The following ARHGAP31 variants were observed in gnomAD, a reference collection of about 807,000 sequenced individuals.
The protein encoded by ARHGAP31 is rho GTPase-activating protein 31.
ARHGAP31 carries 34 observed loss-of-function variants against 113.9 expected under a neutral mutation model. The ratio of observed to expected loss-of-function variants is 0.30; its 90% confidence interval spans 0.23 to 0.40. The LOEUF is 0.40. Among genes scored for constraint, ARHGAP31 ranks in the 10% least tolerant of loss-of-function variants. The pLI is 1.00. For missense variants in ARHGAP31, 1,548 were observed against 1,767.1 expected, an observed-to-expected ratio of 0.88 and a Z score of 2.22; for synonymous variants, 650 against 684.8, an observed-to-expected ratio of 0.95 and a Z score of 0.79.
Position 119,313,923 on chromosome 3 carries a change from G to A in ARHGAP31, c.100+18919G>A, listed in dbSNP as rs187949140. ...CATAGATTCTTATAGTGGGCAAAAG[G>A]AGAATGTCTTAATAAGAGCTTGTCA... On this transcript the variant is annotated intron_variant, in intron 1 of 11. Transcript: ENST00000264245. Among the ~76,000 whole-genome samples the A allele has an allele frequency of 4.0e-4, 61 of 152,326 alleles. 1 individual carries two copies. The highest frequency in any genetic ancestry group is 1.4e-3 in the African/African-American group (60 of 41,572).
intron 9 of ARHGAP31, among the ~76,000 whole-genome samples, chr3:119,400,524 T>G (rs1031995674): frequency 2.6e-5 from 4 of 152,226 alleles, no homozygotes; most frequent in Middle Eastern, 3.2e-3. Flanking sequence ...ACTCGATACT[T>G]TCAGCATTTT....
At chr3:119,330,201 C>T (rs759602941) in intron 1 of ARHGAP31, among the ~76,000 whole-genome samples, 2 of 152,182 alleles carry the variant, frequency 1.3e-5, no homozygotes, top group Non-Finnish European at 2.9e-5. Context: ...TGTATTTTCC[C>T]ATGTGCCTCT....
chr3:119,371,843 A>C (rs1195955332), intron 3 of ARHGAP31, among the ~76,000 whole-genome samples: 1 of 152,144 alleles, frequency 6.6e-6, no homozygotes, highest in Non-Finnish European at 1.5e-5. Flanking sequence ...CCCACTTATG[A>C]GTGAGAACCT....
chr3:119,328,539 T>G (rs2079865067), intron 1 of ARHGAP31, among the ~76,000 whole-genome samples: 2 of 152,224 alleles, frequency 1.3e-5, no homozygotes, highest in Admixed American at 6.5e-5. Context: ...TCATTCTTCT[T>G]CTGGACAGTA....
At chr3:119,390,686 CATCATAGG>C (rs2080495840) in intron 6 of ARHGAP31, 91 bp from the exon 7 acceptor site, 1 of 1,334,682 alleles carries the variant, frequency 7.5e-7, no homozygotes, top group South Asian at 1.2e-5. Flanking sequence ...ACTCAGCCCC[CATCATAGG>C]ATCAAGAATG....
chr3:119,373,812 C>T (rs140633321), intron 3 of ARHGAP31, among the ~76,000 whole-genome samples: 141 of 152,214 alleles, frequency 9.3e-4, no homozygotes, highest in Non-Finnish European at 1.5e-3. Flanking sequence ...ATTGGTTGGA[C>T]GTCCCCGAAA....
At chr3:119,368,580 C>T (rs2080269965) in intron 3 of ARHGAP31, 64 bp downstream of exon 3, 4 of 1,583,096 alleles carry the variant, frequency 2.5e-6, no homozygotes, top group Non-Finnish European at 3.5e-6. Context: ...AGAAGAGTTT[C>T]AGCACTAAAA....
intron 1 of ARHGAP31, among the ~76,000 whole-genome samples, chr3:119,344,814 A>T (rs1559974321): frequency 6.6e-6 from 1 of 151,974 alleles, no homozygotes; most frequent in Non-Finnish European, 1.5e-5. Context: ...CCACCCTATG[A>T]GGTAGATTGT....
intron 3 of ARHGAP31, among the ~76,000 whole-genome samples, chr3:119,378,251 G>A (rs2080365401): frequency 2.6e-5 from 4 of 152,138 alleles, no homozygotes; most frequent in Admixed American, 2.0e-4. Flanking sequence ...GGGTTCTGTG[G>A]TCCTAATGGG....
At chr3:119,344,927 T>A (rs2107614170) in intron 1 of ARHGAP31, among the ~76,000 whole-genome samples, 1 of 152,286 alleles carries the variant, frequency 6.6e-6, no homozygotes, top group East Asian at 1.9e-4. Context: ...TTATTTTTAT[T>A]TCTAAGAGAA....
At chr3:119,380,599 C>T (rs2080388395) in intron 3 of ARHGAP31, among the ~76,000 whole-genome samples, 1 of 119,188 alleles carries the variant, frequency 8.4e-6, no homozygotes, top group Admixed American at 8.4e-5. Flanking sequence ...TATCTCTCTA[C>T]CCCCGAGACA....
intron 10 of ARHGAP31, among the ~76,000 whole-genome samples, chr3:119,404,844 C>G (rs2080646290): frequency 6.6e-6 from 1 of 152,198 alleles, no homozygotes; most frequent in South Asian, 2.1e-4. Context: ...GATTATCTGA[C>G]TTTTACCTGA....
At chr3:119,326,024 C>A (rs2079840188) in intron 1 of ARHGAP31, among the ~76,000 whole-genome samples, 1 of 152,078 alleles carries the variant, frequency 6.6e-6, no homozygotes, top group Admixed American at 6.5e-5. Flanking sequence ...AACCCGGTCT[C>A]TACTAAAAAT....
chr3:119,391,589 A>ACCCCCCCT (rs2080503852), intron 7 of ARHGAP31, among the ~76,000 whole-genome samples: 1 of 103,754 alleles, frequency 9.6e-6, no homozygotes, highest in African/African-American at 3.5e-5. Context: ...CTGGGTCTCT[A>ACCCCCCCT]CCCCCCCCTC....
At chr3:119,379,439 A>G (rs1384577491) in intron 3 of ARHGAP31, among the ~76,000 whole-genome samples, 1 of 152,222 alleles carries the variant, frequency 6.6e-6, no homozygotes, top group African/African-American at 2.4e-5. Context: ...TTCTGTGCCT[A>G]AAAATTCTCA....
chr3:119,402,428 T>G (rs372620335), intron 10 of ARHGAP31, 31 bp downstream of exon 10: 1 of 1,604,372 alleles, frequency 6.2e-7, no homozygotes. Flanking sequence ...ATCTTTCCGT[T>G]GCAAGAGAGA....
At chr3:119,306,829 G>C (rs1342505859) in intron 1 of ARHGAP31, among the ~76,000 whole-genome samples, 1 of 152,156 alleles carries the variant, frequency 6.6e-6, no homozygotes, top group Non-Finnish European at 1.5e-5. Flanking sequence ...CACACAGAAA[G>C]AAGCAGCTAT....
In ARHGAP31 at chr3:119,329,974, G is replaced by A. The variant is rs955920642; in HGVS notation, c.100+34970G>A. ...TCAAAGTGGAGAAGAGAATGAGTCT[G>A]TGTCTATGCGGGGTGAGTTTCCACT... On this transcript the variant is annotated intron_variant, in intron 1 of 11. Coordinates refer to ENST00000264245, the MANE Select transcript of ARHGAP31 (RefSeq NM_020754.4). 22 of 985,486 alleles carry A rather than the reference G, an allele frequency of 2.2e-5. No individual in the cohort carries two copies. In the South Asian group the frequency reaches 1.0e-3, roughly 46 times the overall value. 61.0% of individuals were successfully genotyped at this position (985,486 alleles called of 1,614,324 possible).
chr3:119,382,208 T>C (rs1358771179), intron 4 of ARHGAP31, 84 bp from the exon 5 acceptor site: 4 of 1,268,560 alleles, frequency 3.2e-6, no homozygotes, highest in Non-Finnish European at 4.6e-6. Flanking sequence ...GTCTCTTAAA[T>C]CCAAACTTAG....
Sources: gnomAD v4.1 joint callset for allele counts (sites outside exome capture counted in the v4.1 genomes callset) on GRCh38, gnomAD v4.1.1 for gene constraint, MANE v1.5 for transcripts, NCBI Gene and HGNC (gene_info 2026-07-23, HGNC 2026-07-21) for gene names.